CSMD1: variants seen among roughly 807,000 people sequenced by gnomAD.
CSMD1 encodes the protein CUB and sushi domain-containing protein 1.
A neutral mutation model predicts 417.5 loss-of-function variants in CSMD1; 213 were observed. The observed-to-expected ratio is 0.51, with a 90% CI of 0.46 to 0.57. The LOEUF (loss-of-function observed/expected upper bound fraction) is 0.57, where lower values mean the gene tolerates loss of function less well. Among genes scored for constraint, CSMD1 ranks in the 20% least tolerant of loss-of-function variants. The pLI, the probability that CSMD1 is intolerant of heterozygous loss-of-function variation, is 0.00. For missense variants in CSMD1, 6,923 were observed against 4,529.7 expected, an observed-to-expected ratio of 1.53 and a Z score of -15.17; for synonymous variants, 2,862 against 1,736.8, an observed-to-expected ratio of 1.65 and a Z score of -16.11.
chr8:4,186,891 GA>G (rs1798710585), intron 3 of CSMD1, among the ~76,000 whole-genome samples: 1 of 151,818 alleles, frequency 6.6e-6, no homozygotes, highest in Non-Finnish European at 1.5e-5. Flanking sequence ...AGCTACTCGG[GA>G]GGCTGAGGCA....
chr8:3,010,966 T>A (rs1403018815), intron 52 of CSMD1, among the ~76,000 whole-genome samples: 5 of 152,136 alleles, frequency 3.3e-5, no homozygotes, highest in African/African-American at 1.2e-4. Context: ...GACCTCGTGA[T>A]CTGCCCACCT....
intron 1 of CSMD1, among the ~76,000 whole-genome samples, chr8:4,925,610 A>G (rs1434824554): frequency 4.0e-5 from 6 of 149,860 alleles, no homozygotes; most frequent in South Asian, 4.2e-4. Context: ...GCAGTGGTGC[A>G]GTCTCGGCTC....
intron 2 of CSMD1, among the ~76,000 whole-genome samples, chr8:4,537,664 T>G (rs985394975): frequency 2.0e-5 from 3 of 152,162 alleles, no homozygotes; most frequent in Non-Finnish European, 1.5e-5. Context: ...TGCATTACTT[T>G]CATTCTTCCT....
chr8:4,154,203 G>C (rs1233603456), intron 3 of CSMD1, among the ~76,000 whole-genome samples: 1 of 152,100 alleles, frequency 6.6e-6, no homozygotes, highest in Non-Finnish European at 1.5e-5. Flanking sequence ...ATCTATTCAG[G>C]AAGAATAATA....
At chr8:3,490,864 A>AAAAG (rs1818332635) in intron 11 of CSMD1, among the ~76,000 whole-genome samples, 1 of 148,488 alleles carries the variant, frequency 6.7e-6, no homozygotes, top group African/African-American at 2.5e-5. Context: ...TTTAAAAATA[A>AAAAG]AAAGAAAAAA....
At chr8:4,749,012 G>A (rs768536171) in intron 1 of CSMD1, among the ~76,000 whole-genome samples, 6 of 152,230 alleles carry the variant, frequency 3.9e-5, no homozygotes, top group Admixed American at 1.3e-4. Context: ...CCTTTGTCAC[G>A]GTGACCAGTT....
chr8:4,764,077 T>G (rs911754953), intron 1 of CSMD1, among the ~76,000 whole-genome samples: 1 of 152,216 alleles, frequency 6.6e-6, no homozygotes, highest in South Asian at 2.1e-4. Flanking sequence ...TCTGTCTGCA[T>G]CATCTATGCA....
At chr8:4,029,898 C>CA (rs60516606) in intron 4 of CSMD1, among the ~76,000 whole-genome samples, 28,077 of 152,044 alleles carry the variant, frequency 0.18, 2,866 homozygotes, top group East Asian at 0.29. Context: ...AGAAATTGGT[C>CA]AAAACAAAGG....
rs573634881 is a variant in CSMD1 at position 4,364,811 on chromosome 8, C to T, written c.415+55142G>A. ...CTGCACTCCAGCCTGCGCGACAGAG[C>T]GAGACTCCTTCTCAAAAAAAAAAAA... is the stretch of plus-strand genomic sequence containing the variant. On this transcript the variant is annotated intron_variant, in intron 3 of 69. Coordinates refer to ENST00000635120, the MANE Select transcript of CSMD1 (RefSeq NM_033225.6). 1.7e-3 allele frequency among the ~76,000 whole-genome samples: 18 copies of T among 10,304 alleles called. 2 individuals are homozygous for T. The African/African-American group carries it at 0.037, about 21-fold the overall frequency. 6.8% of individuals were successfully genotyped at this position (10,304 alleles called of 152,430 possible). A position where few individuals can be genotyped will look rare whatever the true frequency, so the allele number is the denominator to read the frequency against.
At chr8:4,228,800 C>A (rs953323192) in intron 3 of CSMD1, among the ~76,000 whole-genome samples, 1 of 152,034 alleles carries the variant, frequency 6.6e-6, no homozygotes, top group Admixed American at 6.6e-5. Context: ...TCTCCTGCTT[C>A]TGCATCCCAA....
At chr8:2,945,055 G>GC (rs145207455) in intron 68 of CSMD1, among the ~76,000 whole-genome samples, 11,214 of 152,116 alleles carry the variant, frequency 0.074, 955 homozygotes, top group African/African-American at 0.21. Flanking sequence ...TCAGTTACTT[G>GC]CCTTGTTTTA....
intron 1 of CSMD1, among the ~76,000 whole-genome samples, chr8:4,848,839 C>G (rs999764565): frequency 1.1e-4 from 17 of 152,200 alleles, no homozygotes; most frequent in African/African-American, 2.4e-5. Context: ...CCAACGCGCC[C>G]AACCCAGTAC....
chr8:4,174,352 A>T (rs984861376), intron 3 of CSMD1, among the ~76,000 whole-genome samples: 1 of 152,152 alleles, frequency 6.6e-6, no homozygotes, highest in South Asian at 2.1e-4. Context: ...ATTAAAGTGC[A>T]GTCTCTGAGA....
intron 3 of CSMD1, among the ~76,000 whole-genome samples, chr8:4,115,443 C>G (rs147776486): frequency 2.0e-5 from 3 of 152,266 alleles, no homozygotes; most frequent in Admixed American, 2.0e-4. Flanking sequence ...AACTGAATCT[C>G]TGAGGTATGC....
intron 10 of CSMD1, among the ~76,000 whole-genome samples, chr8:3,524,338 C>T (rs566723837): frequency 3.9e-5 from 6 of 151,964 alleles, no homozygotes; most frequent in African/African-American, 1.4e-4. Context: ...TGCACACACA[C>T]ATGCACACCC....
At chr8:4,380,149 G>T (rs896572556) in intron 3 of CSMD1, among the ~76,000 whole-genome samples, 19 of 152,312 alleles carry the variant, frequency 1.2e-4, no homozygotes, top group African/African-American at 4.6e-4. Flanking sequence ...CTACATATCT[G>T]CCCTCAGAAG....
chr8:3,869,646 T>G (rs1310924021), intron 5 of CSMD1, among the ~76,000 whole-genome samples: 1 of 152,144 alleles, frequency 6.6e-6, no homozygotes, highest in African/African-American at 2.4e-5. Flanking sequence ...TGGGGAAAGT[T>G]CTGCCTTTCT....
chr8:3,912,465 G>C (rs1468111142), intron 5 of CSMD1, among the ~76,000 whole-genome samples: 1 of 152,130 alleles, frequency 6.6e-6, no homozygotes, highest in African/African-American at 2.4e-5. Context: ...CTAAACCAGA[G>C]AGGCTGCGTG....
chr8:3,487,142 T>C (rs1354596642), intron 11 of CSMD1, among the ~76,000 whole-genome samples: 1 of 152,198 alleles, frequency 6.6e-6, no homozygotes, highest in African/African-American at 2.4e-5. Context: ...GACTTGGTTA[T>C]TCCAGTAACT....
Sources: gnomAD v4.1 joint callset for allele counts (sites outside exome capture counted in the v4.1 genomes callset) on GRCh38, gnomAD v4.1.1 for gene constraint, MANE v1.5 for transcripts, NCBI Gene and HGNC (gene_info 2026-07-23, HGNC 2026-07-21) for gene names.